Variants in DDAH1 observed in about 807,000 individuals in gnomAD.
DDAH1 encodes the protein N(G),N(G)-dimethylarginine dimethylaminohydrolase 1.
DDAH1 carries 19 observed loss-of-function variants against 28.8 expected under a neutral mutation model. That is an observed-to-expected ratio of 0.66 (90% CI 0.46 to 0.97). The LOEUF (loss-of-function observed/expected upper bound fraction) is 0.97. Among genes scored for constraint, DDAH1 ranks in the 50% least tolerant of loss-of-function variants. The pLI is 0.00. For synonymous variants in DDAH1, 153 were observed against 154.4 expected (o/e 0.99, Z 0.07); for missense variants, 326 against 375.9 (o/e 0.87, Z 1.10).
At chr1:85,365,364 T>C (rs1650021387) in intron 1 of DDAH1, among the ~76,000 whole-genome samples, 2 of 152,312 alleles carry the variant, frequency 1.3e-5, no homozygotes, top group South Asian at 4.1e-4. Context: ...TGAACAAAAA[T>C]GTGGACTCAG....
At chr1:85,569,104 T>C (rs373248405) in intron 1 of DDAH1, among the ~76,000 whole-genome samples, 2 of 152,220 alleles carry the variant, frequency 1.3e-5, no homozygotes, top group African/African-American at 2.4e-5. Context: ...CCTGATGCGA[T>C]TGCCTGAAGA....
intron 1 of DDAH1, among the ~76,000 whole-genome samples, chr1:85,553,938 C>G (rs2100797447): frequency 6.6e-6 from 1 of 152,288 alleles, no homozygotes; most frequent in South Asian, 2.1e-4. Context: ...AGTTGTCTGT[C>G]TTGGTTCATA....
chr1:85,337,979 CCAGAGATCTTTCT>C (rs879873988), intron 4 of DDAH1, among the ~76,000 whole-genome samples: 18 of 152,198 alleles, frequency 1.2e-4, no homozygotes, highest in Non-Finnish European at 5.9e-5. Context: ...TGGTTGCTCT[CCAGAGATCTTTCT>C]CAAATTCTCT....
chr1:85,397,336 A>G (rs1570482960), intron 1 of DDAH1, among the ~76,000 whole-genome samples: 1 of 152,244 alleles, frequency 6.6e-6, no homozygotes, highest in African/African-American at 2.4e-5. Flanking sequence ...ACTTTGAGAT[A>G]GCACTGGATT....
At chr1:85,508,190 A>C (rs1657091258) in intron 1 of DDAH1, among the ~76,000 whole-genome samples, 1 of 152,224 alleles carries the variant, frequency 6.6e-6, no homozygotes, top group Admixed American at 6.5e-5. Context: ...ATAATCTTTT[A>C]CTATTAAAGA....
intron 1 of DDAH1, among the ~76,000 whole-genome samples, chr1:85,549,630 T>C (rs1164365051): frequency 6.6e-6 from 1 of 152,262 alleles, no homozygotes; most frequent in Admixed American, 6.5e-5. Context: ...ATTTATGTTC[T>C]TTGTGCTTTG....
At chr1:85,384,513 C>T (rs1290727180) in intron 1 of DDAH1, among the ~76,000 whole-genome samples, 1 of 152,216 alleles carries the variant, frequency 6.6e-6, no homozygotes, top group Non-Finnish European at 1.5e-5. Flanking sequence ...TCCCTTCCCT[C>T]AGGGATCAGT....
In DDAH1 at chr1:85,392,887, C is replaced by A. The variant is rs565757843; in HGVS notation, c.304-34040G>T. Among the ~76,000 whole-genome samples the A allele has an allele frequency of 1.1e-4, 17 of 151,700 alleles. No individual in the cohort carries two copies. In the South Asian group the frequency reaches 2.3e-3, roughly 21 times the overall value. On this transcript the variant is annotated intron_variant, in intron 1 of 5. Transcript: ENST00000284031. ...ATTTTGAGGTGGGTCAACTACGATG[C>A]AACTACAAGGAAAGGAAGTAAAATC...
At chr1:85,344,212 A>C (rs1191961238) in intron 4 of DDAH1, among the ~76,000 whole-genome samples, 5 of 152,240 alleles carry the variant, frequency 3.3e-5, no homozygotes, top group Non-Finnish European at 5.9e-5. Flanking sequence ...ATTTTTATTA[A>C]AAGTATTTTT....
At chr1:85,515,935 G>A (rs1156705483) in intron 1 of DDAH1, among the ~76,000 whole-genome samples, 7 of 152,220 alleles carry the variant, frequency 4.6e-5, no homozygotes, top group Admixed American at 1.3e-4. Flanking sequence ...TCAAGTTGAT[G>A]TCGACAGGAT....
At chr1:85,339,656 T>C (rs1648348304) in intron 4 of DDAH1, among the ~76,000 whole-genome samples, 1 of 152,158 alleles carries the variant, frequency 6.6e-6, no homozygotes, top group South Asian at 2.1e-4. Context: ...TGTCATGTAG[T>C]GGGGAAGTTT....
At chr1:85,338,370 T>C (rs1046750191) in intron 4 of DDAH1, among the ~76,000 whole-genome samples, 6 of 152,316 alleles carry the variant, frequency 3.9e-5, no homozygotes, top group Admixed American at 3.9e-4. Context: ...TGTATTTCAG[T>C]AATCTAGGGG....
Position 85,549,070 on chromosome 1 carries a change from A to G in DDAH1, c.-123+28914T>C, listed in dbSNP as rs185955813. Among the ~76,000 whole-genome samples, 25 of 152,266 alleles carry G rather than the reference A, an allele frequency of 1.6e-4. No individual in the cohort carries two copies. In the East Asian group the frequency reaches 4.6e-3, roughly 28 times the overall value. ...AATTGGGCAGTTGAAACATTTTTGTATTATGTGGCAAGCTATGAAAAGTGA... is the reference window on the plus strand; with the variant it reads ...AATTGGGCAGTTGAAACATTTTTGTGTTATGTGGCAAGCTATGAAAAGTGA... On this transcript the variant is annotated intron_variant, in intron 1 of 6. Coordinates refer to the DDAH1 transcript ENST00000426972.
intron 1 of DDAH1, among the ~76,000 whole-genome samples, chr1:85,502,516 C>T (rs972501247): frequency 2.0e-5 from 3 of 152,160 alleles, no homozygotes; most frequent in Admixed American, 6.5e-5. Flanking sequence ...TGAGGACCTC[C>T]TTGCTGTCCC....
chr1:85,430,120 T>G (rs949345583), intron 1 of DDAH1, among the ~76,000 whole-genome samples: 2 of 152,238 alleles, frequency 1.3e-5, no homozygotes, highest in African/African-American at 4.8e-5. Flanking sequence ...TGCATATGGC[T>G]AGCCAGTTTT....
At chr1:85,419,785 C>A (rs904803725) in intron 1 of DDAH1, among the ~76,000 whole-genome samples, 4 of 152,112 alleles carry the variant, frequency 2.6e-5, no homozygotes, top group African/African-American at 4.8e-5. Context: ...GCATTTGAAT[C>A]CTCATGCCTC....
At position 85,390,393 on chromosome 1, in the gene DDAH1, C is replaced by T. The variant is rs185065771; in HGVS notation, c.304-31546G>A. Among the ~76,000 whole-genome samples the T allele has an allele frequency of 1.3e-3, 194 of 152,220 alleles. 1 individual carries two copies. Among genetic ancestry groups the T allele is most frequent in the Non-Finnish European group, 7.4e-4 (50 of 68,020 alleles). ...ACACCTGTCCCAAGACATTCTACAG[C>T]GTATGTGGGGATTATAGGAACTACA... On this transcript the variant is annotated intron_variant, in intron 1 of 5. Transcript: ENST00000284031.
chr1:85,359,515 G>A (rs190816885), intron 1 of DDAH1, among the ~76,000 whole-genome samples: 1 of 152,242 alleles, frequency 6.6e-6, no homozygotes, highest in African/African-American at 2.4e-5. Flanking sequence ...CATTTAGTCA[G>A]AATTGCACAC....
At chr1:85,417,749 T>C (rs140284916) in intron 1 of DDAH1, among the ~76,000 whole-genome samples, 1 of 152,318 alleles carries the variant, frequency 6.6e-6, no homozygotes, top group East Asian at 1.9e-4. Context: ...GCCCAAATAG[T>C]ATGTATTTGC....
Sources: allele counts gnomAD v4.1 joint callset (sites outside exome capture counted in the v4.1 genomes callset), GRCh38; gene constraint gnomAD v4.1.1; transcripts MANE v1.5; gene names NCBI Gene and HGNC (gene_info 2026-07-23, HGNC 2026-07-21).